ANKRD12: variants seen among roughly 807,000 people sequenced by gnomAD.
ANKRD12 encodes the protein ankyrin repeat domain 12.
Under a neutral mutation model 183.4 loss-of-function variants are expected in ANKRD12, and 85 were observed. The observed-to-expected ratio is 0.46, with a 90% CI of 0.39 to 0.56. The LOEUF is 0.56. Among genes scored for constraint, ANKRD12 ranks in the 20% least tolerant of loss-of-function variants. The pLI, the probability that ANKRD12 is intolerant of heterozygous loss-of-function variation, is 0.00. For missense variants in ANKRD12, 2,405 were observed against 2,357.1 expected (o/e 1.02, Z -0.42); for synonymous variants, 914 against 800.2 (o/e 1.14, Z -2.40).
chr18:9,144,313 T>G (rs1384432719), intron 1 of ANKRD12, among the ~76,000 whole-genome samples: 2 of 152,240 alleles, frequency 1.3e-5, no homozygotes, highest in African/African-American at 4.8e-5. Context: ...TATTAGTGAT[T>G]ATTAATCTTC....
At chr18:9,270,819 AAAAT>A (rs1568001871) in intron 10 of ANKRD12, among the ~76,000 whole-genome samples, 2 of 152,266 alleles carry the variant, frequency 1.3e-5, no homozygotes, top group Non-Finnish European at 2.9e-5. Flanking sequence ...CTTTAATAAA[AAAAT>A]GATACATCTT....
chr18:9,187,361 G>A (rs978976040), intron 2 of ANKRD12, among the ~76,000 whole-genome samples: 10 of 152,160 alleles, frequency 6.6e-5, no homozygotes, highest in African/African-American at 1.9e-4. Flanking sequence ...CTATGCTTGT[G>A]CCACTGCGTT....
At chr18:9,207,216 A>G (rs912813915) in intron 4 of ANKRD12, among the ~76,000 whole-genome samples, 2 of 152,134 alleles carry the variant, frequency 1.3e-5, no homozygotes, top group Middle Eastern at 3.2e-3. Flanking sequence ...TTAGGGCTTT[A>G]TAATGCAGCG....
intron 10 of ANKRD12, among the ~76,000 whole-genome samples, chr18:9,268,720 C>T (rs2039435785): frequency 6.6e-6 from 1 of 152,234 alleles, no homozygotes; most frequent in Admixed American, 6.5e-5. Flanking sequence ...ACAAGACAGG[C>T]ATGCTCTCTC....
In ANKRD12 at chr18:9,195,619, G is replaced by A; in HGVS notation, c.156G>A (p.Met52Ile). 1 of 1,613,056 alleles carries A rather than the reference G, an allele frequency of 6.2e-7. No homozygotes were observed. Among genetic ancestry groups the A allele is most frequent in the Non-Finnish European group, 8.5e-7 (1 of 1,179,536 alleles). The stretch of plus-strand genomic sequence containing the variant: ...AACGAAGTGATGTGAGCAAGGAGAT[G>A]AAAGAGAAATCATCCATGAAACGTA... Reference protein sequence around the residue: ...KIERSDVSKEMKEKSSMKRKL... With the variant: ...KIERSDVSKEIKEKSSMKRKL... Residue 52 changes from methionine to isoleucine, a missense_variant, in exon 3 of 13, where the codon ATG becomes ATA. By Grantham distance (10) the Met-to-Ile change is conservative (BLOSUM62 1). Coordinates refer to ENST00000262126, the MANE Select transcript of ANKRD12 (RefSeq NM_015208.5).
intron 8 of ANKRD12, among the ~76,000 whole-genome samples, chr18:9,231,740 G>A (rs1198776408): frequency 6.8e-6 from 1 of 147,998 alleles, no homozygotes; most frequent in Non-Finnish European, 1.5e-5. Context: ...CAGGAGGATA[G>A]CATGAACCTG....
At chr18:9,156,211 ATTTTTCCCCTAATACT>A (rs1221228915) in intron 1 of ANKRD12, among the ~76,000 whole-genome samples, 1 of 151,442 alleles carries the variant, frequency 6.6e-6, no homozygotes, top group Non-Finnish European at 1.5e-5. Flanking sequence ...CTATCCAAGG[ATTTTTCCCCTAATACT>A]TATATGGTTT....
chr18:9,244,817 A>G (rs1415072772), intron 8 of ANKRD12, among the ~76,000 whole-genome samples: 1 of 152,228 alleles, frequency 6.6e-6, no homozygotes, highest in Non-Finnish European at 1.5e-5. Context: ...CAAGAGGACA[A>G]GCCTAAGGTT....
At chr18:9,203,780 T>A (rs112848820) in intron 3 of ANKRD12, among the ~76,000 whole-genome samples, 1 of 152,176 alleles carries the variant, frequency 6.6e-6, no homozygotes, top group Non-Finnish European at 1.5e-5. Flanking sequence ...AATTTTTGTA[T>A]TTTTAGTAGG....
At chr18:9,193,636 A>G (rs980579685) in intron 2 of ANKRD12, among the ~76,000 whole-genome samples, 2 of 152,304 alleles carry the variant, frequency 1.3e-5, no homozygotes, top group Admixed American at 6.5e-5. Flanking sequence ...TTTAAAAAAA[A>G]TGACATTAAT....
intron 1 of ANKRD12, among the ~76,000 whole-genome samples, chr18:9,159,258 T>C (rs2031052552): frequency 6.6e-6 from 1 of 152,208 alleles, no homozygotes; most frequent in Non-Finnish European, 1.5e-5. Context: ...TATACATATC[T>C]ATAATTCTAT....
intron 5 of ANKRD12, among the ~76,000 whole-genome samples, chr18:9,210,968 A>G (rs1030613199): frequency 6.6e-6 from 1 of 151,866 alleles, no homozygotes; most frequent in African/African-American, 2.4e-5. Context: ...GTAGTTTTGA[A>G]ATTGGAGAGG....
In ANKRD12 at chr18:9,257,556, G is replaced by A; in HGVS notation, c.4289G>A (p.Ser1430Asn). ...EMPVDRLETL[S>N]TRDFICPNSN... ...CCTGTTGATAGACTAGAGACATTAAGCACCAGAGACTTTATCTGCCCAAAT... is the reference window on the plus strand; with the variant it reads ...CCTGTTGATAGACTAGAGACATTAAACACCAGAGACTTTATCTGCCCAAAT... The change falls in exon 9 of 13, where the codon AGC becomes AAC. Residue 1430 changes from serine (S) to asparagine (N), a missense_variant. This residue lies in a region of ANKRD12 where 1,983 missense variants were observed against 1,725.9 expected (regional missense o/e 1.15). Transcript: ENST00000262126. 1.9e-6 allele frequency: 3 copies of A among 1,614,038 alleles called. No individual in the cohort carries two copies. The highest frequency in any genetic ancestry group is 2.5e-6 in the Non-Finnish European group (3 of 1,179,974).
In ANKRD12 at chr18:9,140,147, A is replaced by G. The variant is rs369393326; in HGVS notation, c.-52+3182A>G. Among the ~76,000 whole-genome samples, 16 of 152,334 alleles carry G rather than the reference A, an allele frequency of 1.1e-4. No homozygotes were observed. In the South Asian group the frequency reaches 2.9e-3, roughly 28 times the overall value. ...AATAGCCTTGTCTTCTTAACCTGCA[A>G]AAGTAATTTTCCTGCATAATTTAAT... On this transcript the variant is annotated intron_variant, in intron 1 of 12. Coordinates refer to ENST00000262126, the MANE Select transcript of ANKRD12 (RefSeq NM_015208.5).
intron 3 of ANKRD12, among the ~76,000 whole-genome samples, chr18:9,197,129 G>C (rs1346754684): frequency 2.0e-5 from 3 of 152,188 alleles, no homozygotes; most frequent in South Asian, 2.1e-4. Context: ...CTTTTCATGA[G>C]AGCCTTTGTC....
At chr18:9,142,902 A>C (rs1445288737) in intron 1 of ANKRD12, among the ~76,000 whole-genome samples, 1 of 152,182 alleles carries the variant, frequency 6.6e-6, no homozygotes, top group Admixed American at 6.5e-5. Flanking sequence ...AATTAGTTGT[A>C]ATGGTTAATG....
intron 8 of ANKRD12, among the ~76,000 whole-genome samples, chr18:9,252,144 A>G (rs1174486888): frequency 6.6e-6 from 1 of 152,248 alleles, no homozygotes; most frequent in Non-Finnish European, 1.5e-5. Context: ...ATCTACTAAG[A>G]AAGGCAGAAC....
intron 1 of ANKRD12, among the ~76,000 whole-genome samples, chr18:9,179,159 T>G (rs1435716042): frequency 6.6e-6 from 1 of 152,238 alleles, no homozygotes; most frequent in Admixed American, 6.5e-5. Flanking sequence ...GTATTAGTTC[T>G]AATAGCTTCT....
intron 1 of ANKRD12, among the ~76,000 whole-genome samples, chr18:9,162,856 T>C (rs1175037289): frequency 6.6e-6 from 1 of 152,168 alleles, no homozygotes; most frequent in African/African-American, 2.4e-5. Context: ...TCGAAAAGTG[T>C]CTGTTCATGT....
Sources: allele counts gnomAD v4.1 joint callset (sites outside exome capture counted in the v4.1 genomes callset), GRCh38; gene constraint gnomAD v4.1.1; regional missense constraint gnomAD v4.1.1; transcripts MANE v1.5; gene names NCBI Gene and HGNC (gene_info 2026-07-23, HGNC 2026-07-21).